Variants in PTPN21 observed in about 807,000 individuals in gnomAD.
PTPN21 encodes protein tyrosine phosphatase non-receptor type 21, also known as tyrosine-protein phosphatase non-receptor type 21.
In PTPN21, 77 loss-of-function variants were observed where a neutral mutation model predicts 131.8. The ratio of observed to expected loss-of-function variants is 0.58; its 90% CI spans 0.49 to 0.71. PTPN21 has a LOEUF of 0.71. Among genes scored for constraint, PTPN21 ranks in the 30% least tolerant of loss-of-function variants. PTPN21 has a pLI of 0.00. For missense variants in PTPN21, 1,552 were observed against 1,527.1 expected, an observed-to-expected ratio of 1.02 and a Z score of -0.27; for synonymous variants, 715 against 621.3, an observed-to-expected ratio of 1.15 and a Z score of -2.24.
chr14:88,492,047 A>AAAAC (rs373991794), intron 10 of PTPN21, among the ~76,000 whole-genome samples: 7 of 151,838 alleles, frequency 4.6e-5, no homozygotes, highest in South Asian at 2.1e-4. Flanking sequence ...AACACAAAAC[A>AAAAC]AAACAAACAA....
chr14:88,503,442 C>T (rs2078043342), intron 6 of PTPN21, among the ~76,000 whole-genome samples: 1 of 152,132 alleles, frequency 6.6e-6, no homozygotes, highest in South Asian at 2.1e-4. Context: ...TACAGACAGT[C>T]CTCAACTTAC....
At chr14:88,548,940 C>T (rs2078820954) in intron 2 of PTPN21, among the ~76,000 whole-genome samples, 1 of 152,180 alleles carries the variant, frequency 6.6e-6, no homozygotes, top group Non-Finnish European at 1.5e-5. Flanking sequence ...CAACCTTATG[C>T]TACTCTGAGA....
intron 10 of PTPN21, chr14:88,493,099 C>T (rs2077849293): frequency 2.2e-6 from 1 of 456,512 alleles, no homozygotes; most frequent in Non-Finnish European, 4.4e-6. Flanking sequence ...CATTTCACTT[C>T]TGTAAGTCTC....
chr14:88,499,155 G>A (rs1252192449), intron 8 of PTPN21, among the ~76,000 whole-genome samples: 1 of 152,150 alleles, frequency 6.6e-6, no homozygotes, highest in Non-Finnish European at 1.5e-5. Flanking sequence ...GTTGGGAAGG[G>A]TTAATATAAG....
rs189924888 is a variant in PTPN21, at chr14:88,549,793, C to T, written c.180+445G>A. On this transcript the variant is annotated intron_variant, in intron 2 of 18. Transcript: ENST00000556564. ...TTTTTTTTTTTTTGAGCAGGTGTCT[C>T]GCTCTGTAGCCCAGGCTGGAGTGCA... Among the ~76,000 whole-genome samples, 7 of 146,892 alleles carry T rather than the reference C, an allele frequency of 4.8e-5. No individual in the cohort carries two copies. The East Asian group carries it at 1.4e-3, about 29-fold the overall frequency.
chr14:88,543,007 T>C (rs1226233992), intron 2 of PTPN21, among the ~76,000 whole-genome samples: 1 of 152,212 alleles, frequency 6.6e-6, no homozygotes, highest in Non-Finnish European at 1.5e-5. Context: ...ATATCAGCTA[T>C]TTTTAGAGTC....
intron 2 of PTPN21, among the ~76,000 whole-genome samples, chr14:88,518,273 T>TATATATATATATACACACAC (rs763756368): frequency 5.9e-5 from 4 of 68,226 alleles, no homozygotes; most frequent in African/African-American, 2.9e-4. Context: ...TATATATATA[T>TATATATATATATACACACAC]ACACACACAC....
chr14:88,496,193 T>A (rs1843525886), intron 10 of PTPN21, among the ~76,000 whole-genome samples: 1 of 152,198 alleles, frequency 6.6e-6, no homozygotes, highest in Admixed American at 6.5e-5. Flanking sequence ...CCTTTTTACC[T>A]TTCAAGAATT....
intron 14 of PTPN21, among the ~76,000 whole-genome samples, chr14:88,472,833 C>G (rs531670268): frequency 6.6e-6 from 1 of 151,802 alleles, no homozygotes; most frequent in African/African-American, 2.4e-5. Context: ...GAACCTATCT[C>G]AAAAAAACCA....
intron 2 of PTPN21, among the ~76,000 whole-genome samples, chr14:88,549,135 A>G (rs1041080485): frequency 1.3e-5 from 2 of 152,230 alleles, no homozygotes; most frequent in African/African-American, 4.8e-5. Flanking sequence ...TACTCAATGA[A>G]TGTTGAAAGA....
intron 1 of PTPN21, among the ~76,000 whole-genome samples, chr14:88,554,424 G>A (rs1469268087): frequency 6.6e-6 from 1 of 152,164 alleles, no homozygotes; most frequent in Non-Finnish European, 1.5e-5. Context: ...CAGGGCGTTC[G>A]GAATAGAAGT....
At chr14:88,554,330 A>T (rs2078898434) in intron 1 of PTPN21, among the ~76,000 whole-genome samples, 1 of 152,194 alleles carries the variant, frequency 6.6e-6, no homozygotes, top group African/African-American at 2.4e-5. Context: ...TATCTGGCGA[A>T]TTTCACGTTT....
intron 6 of PTPN21, among the ~76,000 whole-genome samples, chr14:88,502,669 C>T (rs921479948): frequency 1.3e-5 from 2 of 152,114 alleles, no homozygotes; most frequent in African/African-American, 4.8e-5. Flanking sequence ...ATGGAAGTGA[C>T]AAAAGGCAGG....
chr14:88,530,250 C>T (rs1320354423), intron 2 of PTPN21, among the ~76,000 whole-genome samples: 1 of 152,134 alleles, frequency 6.6e-6, no homozygotes, highest in African/African-American at 2.4e-5. Context: ...CACTACCAAG[C>T]CAGCACTACA....
In PTPN21 at chr14:88,468,033, G is replaced by T; in HGVS notation, c.*104C>A. On this transcript the variant is annotated 3_prime_UTR_variant, in exon 19 of 19. Coordinates refer to ENST00000556564, the MANE Select transcript of PTPN21 (RefSeq NM_007039.4). ...TGCGCCACTTACGTCCCAGTGCCAC[G>T]CTGCGTGGATCAAGTGTCAACGGGA... is the stretch of plus-strand genomic sequence containing the variant. 1.4e-6 allele frequency: 2 copies of T among 1,407,832 alleles called. No homozygotes were observed. The highest frequency in any genetic ancestry group is 4.6e-5 in the East Asian group (2 of 43,594). 87.2% of individuals were successfully genotyped at this position (1,407,832 alleles called of 1,614,324 possible).
At chr14:88,501,210 G>C (rs1386758769) in intron 7 of PTPN21, 71 bp downstream of exon 7, 71 of 1,350,684 alleles carry the variant, frequency 5.3e-5, no homozygotes, top group Non-Finnish European at 7.0e-5. Flanking sequence ...GGACATCCTT[G>C]GATTTCCCCA....
chr14:88,491,744 T>G (rs1430339908), intron 10 of PTPN21, among the ~76,000 whole-genome samples: 1 of 152,180 alleles, frequency 6.6e-6, no homozygotes, highest in African/African-American at 2.4e-5. Context: ...TAGGAATAGC[T>G]CATGGAAATC....
chr14:88,497,998 G>A (rs1001805965), intron 8 of PTPN21, among the ~76,000 whole-genome samples: 1 of 152,034 alleles, frequency 6.6e-6, no homozygotes, highest in African/African-American at 2.4e-5. Context: ...CTACTTGGGA[G>A]GCTGAGGCAG....
At position 88,467,491 on chromosome 14, in the gene PTPN21, T is replaced by C. The variant is rs1473727536; in HGVS notation, c.*646A>G. The C allele has an allele frequency of 6.6e-6, 1 of 152,234 alleles. No individual in the cohort carries two copies. The highest frequency in any genetic ancestry group is 6.5e-5 in the Admixed American group (1 of 15,274). 9.4% of individuals were successfully genotyped at this position (152,234 alleles called of 1,614,324 possible). A position where few individuals can be genotyped will look rare whatever the true frequency, so the allele number is the denominator to read the frequency against. Reference sequence around the variant, plus strand: ...TCATTTGAAAAACAGAAGGTACAACTATATAGAATTTTTAGGATAAAAAAT... The same window carrying C: ...TCATTTGAAAAACAGAAGGTACAACCATATAGAATTTTTAGGATAAAAAAT... On this transcript the variant is annotated 3_prime_UTR_variant, in exon 19 of 19. Transcript: ENST00000556564.
Sources: allele counts gnomAD v4.1 joint callset (sites outside exome capture counted in the v4.1 genomes callset), GRCh38; gene constraint gnomAD v4.1.1; transcripts MANE v1.5; gene names NCBI Gene and HGNC (gene_info 2026-07-23, HGNC 2026-07-21).